PPP1R10: variants seen among roughly 807,000 people sequenced by gnomAD.
PPP1R10 encodes the protein serine/threonine-protein phosphatase 1 regulatory subunit 10.
Under a neutral mutation model 99.0 loss-of-function variants are expected in PPP1R10, and 15 were observed. That is an observed-to-expected ratio of 0.15 (90% CI 0.10 to 0.23). The LOEUF (loss-of-function observed/expected upper bound fraction) is 0.23. Ranked by LOEUF, PPP1R10 falls within the 10% of genes least tolerant of loss-of-function variation. The probability of loss-of-function intolerance (pLI) is 1.00; values close to 1 mark genes in which losing one functional copy is unlikely to be tolerated. For missense variants in PPP1R10, 947 were observed against 1,259.4 expected (o/e 0.75, Z 3.75); for synonymous variants, 430 against 449.5 (o/e 0.96, Z 0.55).
At chr6:30,610,766 C>T (rs59607822) in intron 2 of PPP1R10, among the ~76,000 whole-genome samples, 6,755 of 152,228 alleles carry the variant, frequency 0.044, 275 homozygotes, top group African/African-American at 0.11. Flanking sequence ...TCACGCTGTA[C>T]AAGATCCCCT....
Position 30,604,305 on chromosome 6 carries a change from T to C in PPP1R10, c.1261+48A>G, listed in dbSNP as rs1223737905. On this transcript the variant is annotated intron_variant, in intron 13 of 19. Coordinates refer to ENST00000376511, the MANE Select transcript of PPP1R10 (RefSeq NM_002714.4). The surrounding 1 kb of genome is among the most constrained non-coding windows in gnomAD (Gnocchi z 7.3). ...AGGGAAAGTAAGCACAACCAAGTCC[T>C]TTCAAAATCCCTTAAACACACCTAT... The C allele has an allele frequency of 6.2e-7, 1 of 1,613,580 alleles. No individual in the cohort carries two copies. The highest frequency in any genetic ancestry group is 1.7e-5 in the Admixed American group (1 of 59,980).
chr6:30,615,058 TC>T lies in PPP1R10; in HGVS notation c.-12+1419del, dbSNP rs1388944354. Reference sequence around the variant, plus strand: ...TGATTACATCACCTTTCAAGGCTGCTCCTCCCACTTGACCAAGTTTCTAGGG... The same window carrying T: ...TGATTACATCACCTTTCAAGGCTGCTCTCCCACTTGACCAAGTTTCTAGGG... On this transcript the variant is annotated intron_variant, in intron 2 of 19. Coordinates refer to ENST00000376511, the MANE Select transcript of PPP1R10 (RefSeq NM_002714.4). 7.2e-5 allele frequency among the ~76,000 whole-genome samples: 11 copies of T among 152,212 alleles called. No individual in the cohort carries two copies. The South Asian group carries it at 2.1e-3, about 29-fold the overall frequency.
Position 30,602,241 on chromosome 6 carries a change from G to A in PPP1R10, c.2408C>T (p.Pro803Leu), listed in dbSNP as rs767855320. Residue 803 changes from proline (P) to leucine (L), a missense_variant, in exon 19 of 20, where the codon CCT becomes CTT. Coordinates refer to ENST00000376511, the MANE Select transcript of PPP1R10 (RefSeq NM_002714.4). This position sits in a 1 kb window ranked among gnomAD's most constrained non-coding sequence, Gnocchi z 6.7. Reference protein sequence around the residue: ...GGGGHRPHEGPGGGISGGSGH... With the variant: ...GGGGHRPHEGLGGGISGGSGH... ...ACTGCCACCACTGATGCCACCGCCA[G>A]GGCCTTCGTGGGGACGATGTCCTCC... 7.1e-5 allele frequency: 115 copies of A among 1,612,112 alleles called. 1 individual carries two copies. Among genetic ancestry groups the A allele is most frequent in the South Asian group, 5.1e-4 (46 of 91,046 alleles).
intron 2 of PPP1R10, among the ~76,000 whole-genome samples, chr6:30,611,841 T>G (rs1223222932): frequency 6.6e-6 from 1 of 152,076 alleles, no homozygotes; most frequent in Non-Finnish European, 1.5e-5. Flanking sequence ...AGAAAAAACA[T>G]TCAAGGAGAA....
intron 16 of PPP1R10, 67 bp downstream of exon 16, chr6:30,603,403 GGA>G: frequency 6.3e-7 from 1 of 1,589,162 alleles, no homozygotes; most frequent in South Asian, 1.1e-5. Flanking sequence ...AAGGCGAATG[GGA>G]GACAGTGAGG....
At position 30,609,749 on chromosome 6, in the gene PPP1R10, G is replaced by T; in HGVS notation, c.107+89C>A. On this transcript the variant is annotated intron_variant, in intron 3 of 19. Transcript: ENST00000376511. The surrounding 1 kb of genome is among the most constrained non-coding windows in gnomAD (Gnocchi z 4.5). ...TGACTATCTTTCCCTTTCCTTTCCA[G>T]GATCATTCCAGTGTGCCTCAACTGC... 8.7e-7 allele frequency: 1 copy of T among 1,155,426 alleles called. No individual in the cohort carries two copies. 71.6% of individuals were successfully genotyped at this position (1,155,426 alleles called of 1,614,324 possible). A position where few individuals can be genotyped will look rare whatever the true frequency, so the allele number is the denominator to read the frequency against.
chr6:30,608,931 G>A lies in PPP1R10; in HGVS notation c.195-17C>T, dbSNP rs1424763217. On this transcript the variant is annotated splice_polypyrimidine_tract_variant and intron_variant, in intron 4 of 19. Transcript: ENST00000376511. The stretch of plus-strand genomic sequence containing the variant: ...TCAATAAATCTGCAGGCAGGCAGGA[G>A]AGTCTATCAGTAATGCCCTTTCTAG... 6.2e-7 allele frequency: 1 copy of A among 1,614,066 alleles called. No homozygotes were observed. The highest frequency in any genetic ancestry group is 1.1e-5 in the South Asian group (1 of 91,080).
Position 30,604,968 on chromosome 6 carries a change from T to G in PPP1R10, c.954+26A>C, listed in dbSNP as rs1200190758. On this transcript the variant is annotated intron_variant, in intron 11 of 19. Coordinates refer to ENST00000376511, the MANE Select transcript of PPP1R10 (RefSeq NM_002714.4). The surrounding 1 kb of genome is among the most constrained non-coding windows in gnomAD (Gnocchi z 7.3). ...TACTTTACCTTTTATACTCTGTCACTGAAACCTACTTCTGGGAGCCCATAC... is the reference window on the plus strand; with the variant it reads ...TACTTTACCTTTTATACTCTGTCACGGAAACCTACTTCTGGGAGCCCATAC... 1.9e-6 allele frequency: 3 copies of G among 1,605,104 alleles called. No individual in the cohort carries two copies. The highest frequency in any genetic ancestry group is 2.6e-6 in the Non-Finnish European group (3 of 1,172,890).
At chr6:30,615,447 C>T (rs528638720) in intron 2 of PPP1R10, among the ~76,000 whole-genome samples, 2 of 152,206 alleles carry the variant, frequency 1.3e-5, no homozygotes, top group Non-Finnish European at 2.9e-5. Context: ...AGGACTTGGA[C>T]CCCTCTCAAC....
At chr6:30,617,054 ACACT>A (rs1234008074) in intron 1 of PPP1R10, 56 bp from the exon 2 acceptor site, 1 of 152,414 alleles carries the variant, frequency 6.6e-6, no homozygotes, top group Non-Finnish European at 1.5e-5. Context: ...TTGCTTCAAA[ACACT>A]CACAAATGCC....
At chr6:30,605,764 G>A (rs1231273534) in intron 10 of PPP1R10, 159 bp downstream of exon 10, 6 of 703,248 alleles carry the variant, frequency 8.5e-6, no homozygotes, top group East Asian at 2.5e-5. Context: ...GGAGGCTGAG[G>A]CAGGAGAATG....
rs144601361 is a variant in PPP1R10, at chr6:30,606,520, C to T, written c.582G>A (p.Lys194=). 28 of 1,613,900 alleles carry T rather than the reference C, an allele frequency of 1.7e-5. No individual in the cohort carries two copies. The highest frequency in any genetic ancestry group is 2.4e-5 in the Non-Finnish European group (28 of 1,180,040). The change falls in exon 8 of 20, where the codon AAG becomes AAA. Residue 194 remains lysine, a synonymous_variant. Transcript: ENST00000376511. This position sits in a 1 kb window ranked among gnomAD's most constrained non-coding sequence, Gnocchi z 6.3. ...GTGCTGTGGTGCGAAGAGACTTGGGCTTCTCCCTCTTCTTCTCTGGGGCCT... is the reference window on the plus strand; with the variant it reads ...GTGCTGTGGTGCGAAGAGACTTGGGTTTCTCCCTCTTCTTCTCTGGGGCCT... The part of the protein sequence containing the change: ...AEEAPEKKRE[K]PKSLRTTAPS...
Position 30,609,779 on chromosome 6 carries a change from A to G in PPP1R10, c.107+59T>C. The G allele has an allele frequency of 6.9e-7, 1 of 1,445,724 alleles. No homozygotes were observed. Among genetic ancestry groups the G allele is most frequent in the Non-Finnish European group, 9.7e-7 (1 of 1,026,800 alleles). The allele number at this position is 1,445,724 out of a possible 1,614,324, so 89.6% of individuals were successfully genotyped here. ...ATTCCAGTGTGCCTCAACTGCAGCC[A>G]TGTTTTAACACACAATATTCTCTAC... On this transcript the variant is annotated intron_variant, in intron 3 of 19. Coordinates refer to ENST00000376511, the MANE Select transcript of PPP1R10 (RefSeq NM_002714.4). This position sits in a 1 kb window ranked among gnomAD's most constrained non-coding sequence, Gnocchi z 4.5.
chr6:30,604,655 C>T lies in PPP1R10; in HGVS notation c.1035G>A (p.Glu345=). The T allele has an allele frequency of 6.2e-7, 1 of 1,613,154 alleles. No individual in the cohort carries two copies. Among genetic ancestry groups the T allele is most frequent in the South Asian group, 1.1e-5 (1 of 91,086 alleles). The change falls in exon 12 of 20, where the codon GAG becomes GAA. Residue 345 remains glutamate (E), a synonymous_variant. Coordinates refer to ENST00000376511, the MANE Select transcript of PPP1R10 (RefSeq NM_002714.4). The surrounding 1 kb of genome is among the most constrained non-coding windows in gnomAD (Gnocchi z 7.3). ...TGCCTGGACGGTCTGCGTCCATTGCCTCAGAAGGTGGTGCTGGTTCTGGGG... is the reference window on the plus strand; with the variant it reads ...TGCCTGGACGGTCTGCGTCCATTGCTTCAGAAGGTGGTGCTGGTTCTGGGG... The part of the protein sequence containing the change: ...PSSPEPAPPS[E]AMDADRPGTP...
intron 10 of PPP1R10, 89 bp from the exon 11 acceptor site, chr6:30,605,183 G>C: frequency 8.5e-7 from 1 of 1,183,264 alleles, no homozygotes; most frequent in Non-Finnish European, 1.2e-6. Flanking sequence ...AAATGAGCCA[G>C]TGAAGACCCT....
rs1234112895 is a variant in PPP1R10, at chr6:30,609,898, T to C, written c.47A>G (p.Asp16Gly). 1.9e-6 allele frequency: 3 copies of C among 1,614,134 alleles called. No individual in the cohort carries two copies. The highest frequency in any genetic ancestry group is 2.5e-6 in the Non-Finnish European group (3 of 1,180,018). The change falls in exon 3 of 20, where the codon GAC becomes GGC. Residue 16 changes from aspartate to glycine, a missense_variant. Around this residue, in one of 10 missense-constraint regions of PPP1R10, gnomAD observed 82 missense variants for 117.3 expected, o/e 0.70. Coordinates refer to ENST00000376511, the MANE Select transcript of PPP1R10 (RefSeq NM_002714.4). This position sits in a 1 kb window ranked among gnomAD's most constrained non-coding sequence, Gnocchi z 4.5. ...IDPKELLKGL[D>G]SFLNRDGEVK... Reference sequence around the variant, plus strand: ...TTCCCCATCTCGGTTAAGGAAGCTGTCCAGGCCCTTGAGAAGTTCTTTGGG... The same window carrying C: ...TTCCCCATCTCGGTTAAGGAAGCTGCCCAGGCCCTTGAGAAGTTCTTTGGG...
chr6:30,604,473 C>T lies in PPP1R10; in HGVS notation c.1141G>A (p.Glu381Lys), dbSNP rs1393917718. 6.2e-7 allele frequency: 1 copy of T among 1,613,088 alleles called. No individual in the cohort carries two copies. Among genetic ancestry groups the T allele is most frequent in the East Asian group, 2.2e-5 (1 of 44,878 alleles). ...AGTTGGTTAGGATCTCCAGGACTCT[C>T]CACTGGCTTGGCATCCAGAGCTCCT... ...EPGALDAKPV[E>K]SPGDPNQLTR... The change falls in exon 13 of 20, where the codon GAG (glutamate) becomes AAG (lysine). Residue 381 changes from glutamate to lysine, a missense_variant. This residue lies in a region of PPP1R10 where 100 missense variants were observed against 105.8 expected (regional missense o/e 0.94). Transcript: ENST00000376511. The surrounding 1 kb of genome is among the most constrained non-coding windows in gnomAD (Gnocchi z 7.3).
Position 30,609,024 on chromosome 6 carries a change from G to A in PPP1R10, c.194+53C>T, listed in dbSNP as rs60337024. 0.017 allele frequency: 28,039 copies of A among 1,611,188 alleles called. 459 individuals are homozygous for A. The highest frequency in any genetic ancestry group is 0.071 in the African/African-American group (5,326 of 74,894). On this transcript the variant is annotated intron_variant, in intron 4 of 19. Transcript: ENST00000376511. The surrounding 1 kb of genome is among the most constrained non-coding windows in gnomAD (Gnocchi z 4.5). ...TGACCGAGGAACCCCATGCCTCACC[G>A]CCCCATCTTTTCGCTACACCTTCCC...
chr6:30,611,625 CA>C (rs926715972), intron 2 of PPP1R10, among the ~76,000 whole-genome samples: 2 of 152,140 alleles, frequency 1.3e-5, no homozygotes, highest in African/African-American at 4.8e-5. Context: ...ACAAAAACGT[CA>C]GTAAGTTTCC....
Sources: allele counts gnomAD v4.1 joint callset (sites outside exome capture counted in the v4.1 genomes callset), GRCh38; gene constraint gnomAD v4.1.1; regional missense constraint gnomAD v4.1.1; non-coding constraint Gnocchi (gnomAD v3.1); transcripts MANE v1.5; gene names NCBI Gene and HGNC (gene_info 2026-07-23, HGNC 2026-07-21).